Variants in KDM4B observed in about 807,000 individuals in gnomAD.
KDM4B encodes the protein lysine demethylase 4B, also known as lysine-specific demethylase 4B.
Under a neutral mutation model 125.2 loss-of-function variants are expected in KDM4B, and 32 were observed. The ratio of observed to expected loss-of-function variants is 0.26; its 90% CI spans 0.19 to 0.34. The LOEUF (loss-of-function observed/expected upper bound fraction) is 0.34. KDM4B is among the 10% of genes least tolerant of loss of function. The pLI, the probability that KDM4B is intolerant of heterozygous loss-of-function variation, is 1.00. For missense variants in KDM4B, 1,190 were observed against 1,577.7 expected (o/e 0.75, Z 4.16); for synonymous variants, 721 against 677.9 (o/e 1.06, Z -0.99).
At chr19:5,089,166 G>A (rs1055100557) in intron 9 of KDM4B, among the ~76,000 whole-genome samples, 32 of 152,168 alleles carry the variant, frequency 2.1e-4, no homozygotes, top group African/African-American at 7.5e-4. Flanking sequence ...CACACCTGGT[G>A]AATTGTAGGG....
intron 1 of KDM4B, among the ~76,000 whole-genome samples, chr19:4,990,043 G>A (rs549951097): frequency 1.3e-5 from 2 of 152,218 alleles, no homozygotes; most frequent in African/African-American, 4.8e-5. Flanking sequence ...TCATCCAAGC[G>A]CTTTGGGGGG....
intron 10 of KDM4B, chr19:5,113,050 G>A (rs2039181511): frequency 6.6e-6 from 1 of 152,350 alleles, no homozygotes; most frequent in South Asian, 2.1e-4. Flanking sequence ...GCCAGGAGGA[G>A]ATGCGGAAGC....
rs1211823840 is a variant in KDM4B, at chr19:5,119,160, G to C, written c.1116-493G>C. On this transcript the variant is annotated intron_variant, in intron 10 of 22. Transcript: ENST00000159111. ...AAAACAGACACTGGAGAAAGACTGA[G>C]GAGGAGAGGAAACCAAGTCTAGAAA... 2.6e-6 allele frequency: 4 copies of C among 1,535,010 alleles called. No individual in the cohort carries two copies. In the Admixed American group the frequency reaches 7.8e-5, roughly 30 times the overall value.
At chr19:5,143,756 G>A (rs562568184) in intron 18 of KDM4B, among the ~76,000 whole-genome samples, 110 of 152,326 alleles carry the variant, frequency 7.2e-4, no homozygotes, top group Non-Finnish European at 1.3e-3. Context: ...CCCAGAGGCT[G>A]AGCAGCAGGA....
At chr19:5,101,083 A>C (rs2038921460) in intron 9 of KDM4B, among the ~76,000 whole-genome samples, 1 of 151,970 alleles carries the variant, frequency 6.6e-6, no homozygotes, top group South Asian at 2.1e-4. Context: ...TTAGCTGGGC[A>C]TGGCGGTGGG....
At chr19:4,986,394 G>T (rs746646671) in intron 1 of KDM4B, among the ~76,000 whole-genome samples, 1 of 152,222 alleles carries the variant, frequency 6.6e-6, no homozygotes, top group African/African-American at 2.4e-5. Context: ...AGCGCTGGCC[G>T]TGGGGACTCT....
Position 5,035,894 on chromosome 19 carries a change from C to T in KDM4B, c.141+2863C>T, listed in dbSNP as rs369811109. Among the ~76,000 whole-genome samples the T allele has an allele frequency of 0.16, 21,963 of 138,062 alleles. 2,353 individuals carry two copies. The highest frequency in any genetic ancestry group is 0.6 in the East Asian group (2,817 of 4,682). The allele number at this position is 138,062 out of a possible 152,430, so 90.6% of individuals were successfully genotyped here. A position where few individuals can be genotyped will look rare whatever the true frequency, so the allele number is the denominator to read the frequency against. ...GTGTGTGTGTGTGCGCGCGCGCGCG[C>T]GCCTGCGCGCACAGGAGACTGAGGT... On this transcript the variant is annotated intron_variant, in intron 3 of 22. Coordinates refer to ENST00000159111, the MANE Select transcript of KDM4B (RefSeq NM_015015.3). The surrounding 1 kb of genome is among the most constrained non-coding windows in gnomAD (Gnocchi z 5.3).
intron 6 of KDM4B, among the ~76,000 whole-genome samples, chr19:5,048,705 G>A (rs2037120245): frequency 6.6e-6 from 1 of 152,254 alleles, no homozygotes; most frequent in Non-Finnish European, 1.5e-5. Flanking sequence ...AAGCGCAGAT[G>A]GAGCCCAAGG....
At chr19:5,021,056 G>T (rs931014348) in intron 2 of KDM4B, among the ~76,000 whole-genome samples, 3 of 151,770 alleles carry the variant, frequency 2.0e-5, no homozygotes, top group East Asian at 1.9e-4. Flanking sequence ...TGAGGCAGGA[G>T]AATTGCTTGA....
intron 9 of KDM4B, among the ~76,000 whole-genome samples, chr19:5,092,467 C>G (rs892855834): frequency 6.6e-6 from 1 of 152,226 alleles, no homozygotes; most frequent in Non-Finnish European, 1.5e-5. Context: ...CTCTAATACC[C>G]CCGGTTCTGC....
At chr19:4,998,188 C>T (rs1206111868) in intron 1 of KDM4B, among the ~76,000 whole-genome samples, 2 of 152,194 alleles carry the variant, frequency 1.3e-5, no homozygotes, top group African/African-American at 4.8e-5. Flanking sequence ...GCCCGTAGTG[C>T]TCCCCAGACC....
At chr19:5,074,543 T>C (rs1321158387) in intron 7 of KDM4B, 2 of 152,244 alleles carry the variant, frequency 1.3e-5, no homozygotes, top group African/African-American at 4.8e-5. Context: ...AGAGCTTTAA[T>C]GAGAGCCACT....
chr19:5,122,241 T>G (rs1405831228), intron 11 of KDM4B, among the ~76,000 whole-genome samples: 1 of 152,120 alleles, frequency 6.6e-6, no homozygotes, highest in Non-Finnish European at 1.5e-5. Context: ...TCCTCCTCCT[T>G]CACAGCCACA....
Position 5,113,471 on chromosome 19 carries a change from C to G in KDM4B, c.1115+2653C>G, listed in dbSNP as rs80174432. ...GGTTCCCCCCTGAGCAGTGCCCTCT[C>G]CACGTGGCCTGCCTTTTCCCCTGAG... On this transcript the variant is annotated intron_variant, in intron 10 of 22. Coordinates refer to ENST00000159111, the MANE Select transcript of KDM4B (RefSeq NM_015015.3). 6.8e-3 allele frequency: 1,065 copies of G among 155,512 alleles called. 11 individuals are homozygous for G. Among genetic ancestry groups the G allele is most frequent in the African/African-American group, 0.025 (1,021 of 41,526 alleles). The allele number at this position is 155,512 out of a possible 1,614,324, so 9.6% of individuals were successfully genotyped here.
At chr19:5,095,391 T>C (rs2038800674) in intron 9 of KDM4B, among the ~76,000 whole-genome samples, 1 of 152,238 alleles carries the variant, frequency 6.6e-6, no homozygotes, top group South Asian at 2.1e-4. Context: ...ATGAGCAGAC[T>C]CTAGTATCTG....
chr19:5,012,030 G>A (rs1037059762), intron 1 of KDM4B, among the ~76,000 whole-genome samples: 3 of 152,222 alleles, frequency 2.0e-5, no homozygotes, highest in African/African-American at 7.2e-5. Flanking sequence ...AGCTCGTGCT[G>A]TTTGGGGGCG....
In KDM4B at chr19:5,078,650, T is replaced by G. The variant is rs970024018; in HGVS notation, c.780+1180T>G. On this transcript the variant is annotated intron_variant, in intron 8 of 22. Coordinates refer to ENST00000159111, the MANE Select transcript of KDM4B (RefSeq NM_015015.3). This position sits in a 1 kb window ranked among gnomAD's most constrained non-coding sequence, Gnocchi z 4.5. ...TCTAAAACCTTCTCCAAAGTGGTGC[T>G]TCCTGGAGGGGGGTGCCCATCGAAG... 2.0e-5 allele frequency: 3 copies of G among 152,212 alleles called. No individual in the cohort carries two copies. The East Asian group carries it at 5.8e-4, about 29-fold the overall frequency. 9.4% of individuals were successfully genotyped at this position (152,212 alleles called of 1,614,324 possible). A position where few individuals can be genotyped will look rare whatever the true frequency, so the allele number is the denominator to read the frequency against.
rs2038317976 is a variant in KDM4B, at chr19:5,082,154, T to C, written c.781-213T>C. ...CTGAGCCGAGTGGAGGTTGCAGAGC[T>C]GTGGCTGCGGCTGCTCACTATGTCC... On this transcript the variant is annotated intron_variant, in intron 8 of 22. Coordinates refer to ENST00000159111, the MANE Select transcript of KDM4B (RefSeq NM_015015.3). This position sits in a 1 kb window ranked among gnomAD's most constrained non-coding sequence, Gnocchi z 5.4. Among the ~76,000 whole-genome samples the C allele has an allele frequency of 6.6e-6, 1 of 152,186 alleles. No homozygotes were observed. The highest frequency in any genetic ancestry group is 2.4e-5 in the African/African-American group (1 of 41,446).
chr19:5,131,647 GCA>G, intron 12 of KDM4B, 102 bp downstream of exon 12: 1 of 425,874 alleles, frequency 2.3e-6, no homozygotes, highest in South Asian at 2.1e-5. Context: ...GGGGGAGGGG[GCA>G]GGGAGGAGGG....
Sources: allele counts gnomAD v4.1 joint callset (sites outside exome capture counted in the v4.1 genomes callset), GRCh38; gene constraint gnomAD v4.1.1; non-coding constraint Gnocchi (gnomAD v3.1); transcripts MANE v1.5; gene names NCBI Gene and HGNC (gene_info 2026-07-23, HGNC 2026-07-21).